C8orf88: variants seen among roughly 807,000 people sequenced by gnomAD.
C8orf88 encodes chromosome 8 open reading frame 88, also known as uncharacterized protein C8orf88.
Under a neutral mutation model 18.4 loss-of-function variants are expected in C8orf88, and 14 were observed. That is an observed-to-expected ratio of 0.76 (90% confidence interval 0.50 to 1.19). The LOEUF (loss-of-function observed/expected upper bound fraction) is 1.19. Ranked by LOEUF, C8orf88 falls within the 50% of genes most tolerant of loss-of-function variation. C8orf88 has a pLI of 0.00. For missense variants in C8orf88, 116 were observed against 134.7 expected (o/e 0.86, Z 0.69); for synonymous variants, 45 against 42.9 (o/e 1.05, Z -0.19).
intron 3 of C8orf88, among the ~76,000 whole-genome samples, chr8:90,977,425 A>C (rs1427829833): frequency 6.6e-6 from 1 of 152,236 alleles, no homozygotes; most frequent in Non-Finnish European, 1.5e-5. Flanking sequence ...CAAACATGTA[A>C]AAATGAAACA....
chr8:90,977,501 A>G (rs1697178873), intron 3 of C8orf88, among the ~76,000 whole-genome samples: 1 of 151,630 alleles, frequency 6.6e-6, no homozygotes, highest in South Asian at 2.1e-4. Context: ...CAGAAAATGG[A>G]AAAAAAAATG....
At chr8:90,966,498 T>TATAATAATA (rs34167108) in intron 4 of C8orf88, among the ~76,000 whole-genome samples, 5 of 140,738 alleles carry the variant, frequency 3.6e-5, no homozygotes, top group African/African-American at 5.2e-5. Context: ...AAACTTAAAG[T>TATAATAATA]ATAATAATAA....
chr8:90,978,614 A>G lies in C8orf88; in HGVS notation c.112T>C (p.Cys38Arg). ...FPFNFQNEYP[C>R]NTQCIQSGVS... Reference sequence around the variant, plus strand: ...CCACTTTGTATGCACTGAGTGTTGCATGGATATTCGTTTTGAAAGTTGAAA... The same window carrying G: ...CCACTTTGTATGCACTGAGTGTTGCGTGGATATTCGTTTTGAAAGTTGAAA... The change falls in exon 3 of 6, where the codon TGC becomes CGC. Residue 38 changes from cysteine (C) to arginine (R), a missense_variant. By Grantham distance (180) the Cys-to-Arg change is radical (BLOSUM62 -3). Transcript: ENST00000517562. 4 of 1,531,436 alleles carry G rather than the reference A, an allele frequency of 2.6e-6. No individual in the cohort carries two copies. Among genetic ancestry groups the G allele is most frequent in the Non-Finnish European group, 3.5e-6 (4 of 1,144,438 alleles). The allele number at this position is 1,531,436 out of a possible 1,614,324, so 94.9% of individuals were successfully genotyped here.
In C8orf88 at chr8:90,960,775, A is replaced by C; in HGVS notation, c.297T>G (p.Phe99Leu). The C allele has an allele frequency of 6.5e-7, 1 of 1,531,470 alleles. No homozygotes were observed. Among genetic ancestry groups the C allele is most frequent in the Non-Finnish European group, 8.7e-7 (1 of 1,143,606 alleles). 94.9% of individuals were successfully genotyped at this position (1,531,470 alleles called of 1,614,324 possible). Residue 99 changes from phenylalanine (F) to leucine (L), a missense_variant, in exon 5 of 6, where the codon TTT (phenylalanine) becomes TTG (leucine). Phe to Leu is a conservative substitution (Grantham distance 22). Transcript: ENST00000517562. ...GCAGTACAATGGGATGATCAGGCAG[A>C]AAGTCTGGTTTTTTTCTGCAGATGG... ...SVSICRKKPD[F>L]LPDHPIVLQK...
chr8:90,966,340 T>C (rs1394523694), intron 4 of C8orf88, among the ~76,000 whole-genome samples: 51 of 108,778 alleles, frequency 4.7e-4, no homozygotes, highest in African/African-American at 1.5e-3. Flanking sequence ...ACATCACACT[T>C]TGGGGACTGT....
intron 3 of C8orf88, among the ~76,000 whole-genome samples, chr8:90,975,476 C>T (rs566478451): frequency 1.3e-5 from 2 of 151,550 alleles, no homozygotes; most frequent in Admixed American, 1.3e-4. Flanking sequence ...GACACGCCAT[C>T]AAAAAAAATT....
At chr8:90,962,848 T>TGAGAC (rs1490065903) in intron 4 of C8orf88, among the ~76,000 whole-genome samples, 1 of 151,584 alleles carries the variant, frequency 6.6e-6, no homozygotes, top group African/African-American at 2.4e-5. Context: ...TGCTTCCACC[T>TGAGAC]GAGACAAGGG....
intron 3 of C8orf88, among the ~76,000 whole-genome samples, chr8:90,973,823 A>T (rs955410933): frequency 6.6e-6 from 1 of 152,032 alleles, no homozygotes; most frequent in Admixed American, 6.6e-5. Context: ...GCCTCTTGTC[A>T]CTCATCTTAA....
At chr8:90,979,006 A>T (rs1811393168) in intron 2 of C8orf88, among the ~76,000 whole-genome samples, 1 of 152,246 alleles carries the variant, frequency 6.6e-6, no homozygotes, top group Non-Finnish European at 1.5e-5. Flanking sequence ...TCACAACATG[A>T]AGTAATTAAA....
At chr8:90,972,203 T>C (rs1811293371) in intron 3 of C8orf88, among the ~76,000 whole-genome samples, 1 of 152,098 alleles carries the variant, frequency 6.6e-6, no homozygotes, top group South Asian at 2.1e-4. Flanking sequence ...ACTAATTATC[T>C]AATGCTATGA....
Position 90,971,220 on chromosome 8 carries a change from T to C in C8orf88, c.148-79A>G, listed in dbSNP as rs1251076779. On this transcript the variant is annotated intron_variant, in intron 3 of 5. Coordinates refer to ENST00000517562, the MANE Select transcript of C8orf88 (RefSeq NM_001190972.2). ...AATTAGTTTAACTACCCAAAAATAT[T>C]TTCCTAATAATAAATGCATTTAGTA... 7.0e-6 allele frequency: 5 copies of C among 715,208 alleles called. No individual in the cohort carries two copies. The East Asian group carries it at 1.5e-4, about 21-fold the overall frequency. The allele number at this position is 715,208 out of a possible 1,614,324, so 44.3% of individuals were successfully genotyped here.
At chr8:90,971,442 T>C (rs1479181376) in intron 3 of C8orf88, among the ~76,000 whole-genome samples, 2 of 152,098 alleles carry the variant, frequency 1.3e-5, no homozygotes, top group Non-Finnish European at 2.9e-5. Context: ...GTATTTTTTC[T>C]TGACAAAAAT....
At chr8:90,971,745 C>G (rs1045278945) in intron 3 of C8orf88, among the ~76,000 whole-genome samples, 3 of 115,276 alleles carry the variant, frequency 2.6e-5, no homozygotes, top group Admixed American at 8.5e-5. Context: ...ATAAGATTGG[C>G]TAAGCTAATC....
At chr8:90,964,729 T>C (rs1396844122) in intron 4 of C8orf88, among the ~76,000 whole-genome samples, 3 of 151,656 alleles carry the variant, frequency 2.0e-5, no homozygotes, top group Admixed American at 6.6e-5. Context: ...TGTGTAAAGA[T>C]GTAATTTATG....
At chr8:90,977,983 GAA>G (rs1563555361) in intron 3 of C8orf88, among the ~76,000 whole-genome samples, 1 of 151,960 alleles carries the variant, frequency 6.6e-6, no homozygotes, top group African/African-American at 2.4e-5. Flanking sequence ...GACAGAGAGA[GAA>G]AGAAATAGTA....
intron 4 of C8orf88, among the ~76,000 whole-genome samples, chr8:90,961,256 T>G (rs981999786): frequency 2.6e-5 from 4 of 151,172 alleles, no homozygotes; most frequent in Admixed American, 1.3e-4. Flanking sequence ...AAAAATAAAT[T>G]CAAGAAACAT....
intron 5 of C8orf88, 127 bp from the exon 6 acceptor site, chr8:90,959,157 C>T (rs1811088765): frequency 2.1e-6 from 1 of 474,620 alleles, no homozygotes; most frequent in African/African-American, 2.1e-5. Context: ...ACCATAGAAA[C>T]TATTAAAGTA....
Position 90,980,407 on chromosome 8 carries a change from G to A in C8orf88, c.29C>T (p.Pro10Leu), listed in dbSNP as rs1054892043. 1.5e-5 allele frequency: 23 copies of A among 1,532,984 alleles called. No homozygotes were observed. Among genetic ancestry groups the A allele is most frequent in the East Asian group, 2.5e-5 (1 of 40,768 alleles). 95.0% of individuals were successfully genotyped at this position (1,532,984 alleles called of 1,614,324 possible). A position where few individuals can be genotyped will look rare whatever the true frequency, so the allele number is the denominator to read the frequency against. The change falls in exon 2 of 6, where the codon CCG becomes CTG. Residue 10 changes from proline (P) to leucine (L), a missense_variant. By Grantham distance (98) the Pro-to-Leu change is moderately conservative. Coordinates refer to ENST00000517562, the MANE Select transcript of C8orf88 (RefSeq NM_001190972.2). METKKLIGK[P>L]LQPARPVRHL... ...ACGAACAGGTCTTGCTGGTTGAAGC[G>A]GTTTACCAATTAATTTTTTGGTTTC...
intron 4 of C8orf88, among the ~76,000 whole-genome samples, chr8:90,964,655 T>A (rs1811170220): frequency 6.6e-6 from 1 of 151,690 alleles, no homozygotes; most frequent in Non-Finnish European, 1.5e-5. Flanking sequence ...TTTTCTCCCA[T>A]ATGATTTAAA....
Sources: gnomAD v4.1 joint callset for allele counts (sites outside exome capture counted in the v4.1 genomes callset) on GRCh38, gnomAD v4.1.1 for gene constraint, MANE v1.5 for transcripts, NCBI Gene and HGNC (gene_info 2026-07-23, HGNC 2026-07-21) for gene names.